PHTF1: variants seen among roughly 807,000 people sequenced by gnomAD.
The protein encoded by PHTF1 is protein PHTF1.
PHTF1 carries 88 observed loss-of-function variants against 102.4 expected under a neutral mutation model. The ratio of observed to expected loss-of-function variants is 0.86; its 90% CI spans 0.72 to 1.03. The LOEUF (loss-of-function observed/expected upper bound fraction) is 1.03. Among genes scored for constraint, PHTF1 ranks in the 50% least tolerant of loss-of-function variants. PHTF1 has a pLI of 0.00. For synonymous variants in PHTF1, 289 were observed against 305.2 expected (o/e 0.95, Z 0.55); for missense variants, 814 against 909.5 (o/e 0.89, Z 1.35).
intron 5 of PHTF1, among the ~76,000 whole-genome samples, chr1:113,730,266 A>AC (rs1022669266): frequency 6.6e-6 from 1 of 152,244 alleles, no homozygotes; most frequent in African/African-American, 2.4e-5. Context: ...ATTAAAAAAA[A>AC]ACACATACAT....
At chr1:113,715,227 T>C (rs1247382300) in intron 7 of PHTF1, 2 of 152,328 alleles carry the variant, frequency 1.3e-5, no homozygotes, top group Middle Eastern at 3.4e-3. Flanking sequence ...AACCATTCAA[T>C]GCACAGACAC....
intron 3 of PHTF1, among the ~76,000 whole-genome samples, chr1:113,741,533 C>T (rs1196345044): frequency 6.6e-6 from 1 of 152,096 alleles, no homozygotes; most frequent in African/African-American, 2.4e-5. Flanking sequence ...AGTGCTATTC[C>T]CCATCACTTT....
At chr1:113,709,380 C>T (rs1298946567) in intron 11 of PHTF1, among the ~76,000 whole-genome samples, 1 of 152,078 alleles carries the variant, frequency 6.6e-6, no homozygotes, top group Non-Finnish European at 1.5e-5. Flanking sequence ...GACAATTAAA[C>T]AAATATATAT....
In PHTF1 at chr1:113,750,873, G is replaced by A. The variant is rs1657976411; in HGVS notation, c.102+6826C>T. Among the ~76,000 whole-genome samples the A allele has an allele frequency of 2.0e-5, 3 of 151,844 alleles. No individual in the cohort carries two copies. The South Asian group carries it at 6.2e-4, about 31-fold the overall frequency. ...AAAAAAAAAAAAAGATTAGTAAAAG[G>A]GGAGATTCTTATTTTAGGCTTATTT... On this transcript the variant is annotated intron_variant, in intron 3 of 18. Transcript: ENST00000369604.
chr1:113,723,474 G>A (rs1042251212), intron 7 of PHTF1, among the ~76,000 whole-genome samples: 20 of 152,068 alleles, frequency 1.3e-4, no homozygotes, highest in African/African-American at 3.9e-4. Context: ...CACTGTGCCC[G>A]GCCAACAGTG....
rs1300198707 is a variant in PHTF1, at chr1:113,704,652, CAAATA to C, written c.1803+9_1803+13del. On this transcript the variant is annotated intron_variant, in intron 14 of 18. Transcript: ENST00000369604. ...TTCTTGCACATACTCTATTGTTAAT[CAAATA>C]AAACTCACCTTTAGATAGGAACGCA... 3.2e-6 allele frequency: 5 copies of C among 1,563,402 alleles called. No individual in the cohort carries two copies. In the South Asian group the frequency reaches 5.9e-5, roughly 18 times the overall value.
intron 5 of PHTF1, among the ~76,000 whole-genome samples, chr1:113,733,953 G>T (rs893011007): frequency 6.6e-6 from 1 of 152,144 alleles, no homozygotes; most frequent in Non-Finnish European, 1.5e-5. Flanking sequence ...AGAGATTCTG[G>T]TGAGGAATCA....
chr1:113,747,410 T>C (rs1411721079), intron 3 of PHTF1, among the ~76,000 whole-genome samples: 2 of 152,210 alleles, frequency 1.3e-5, no homozygotes, highest in African/African-American at 4.8e-5. Flanking sequence ...TATATCAGTT[T>C]AGTTTTCCCC....
chr1:113,755,104 A>AT (rs1186071364), intron 3 of PHTF1, among the ~76,000 whole-genome samples: 6 of 151,940 alleles, frequency 3.9e-5, no homozygotes, highest in African/African-American at 1.4e-4. Flanking sequence ...TAAATATATA[A>AT]TTTTAAATTA....
chr1:113,749,000 A>G (rs1657626161), intron 3 of PHTF1, among the ~76,000 whole-genome samples: 1 of 152,214 alleles, frequency 6.6e-6, no homozygotes, highest in Non-Finnish European at 1.5e-5. Flanking sequence ...CTAAATTAAT[A>G]TATACATTAC....
In PHTF1 at chr1:113,706,163, C is replaced by A; in HGVS notation, c.1399-1G>T. 1 of 1,590,606 alleles carries A rather than the reference C, an allele frequency of 6.3e-7. No homozygotes were observed. ...CTACTCCTTGCTGATAGGCATTGACCTGTGAATTAATTTAAAATTTCCACC... is the reference window on the plus strand; with the variant it reads ...CTACTCCTTGCTGATAGGCATTGACATGTGAATTAATTTAAAATTTCCACC... On this transcript the variant is annotated splice_acceptor_variant, in intron 12 of 18. Transcript: ENST00000369604. LOFTEE classifies it high-confidence loss of function.
chr1:113,708,828 A>C (rs1571103447), intron 11 of PHTF1, among the ~76,000 whole-genome samples: 1 of 152,188 alleles, frequency 6.6e-6, no homozygotes, highest in East Asian at 1.9e-4. Context: ...ATCTCAAAGG[A>C]GGGGAGTGCT....
intron 17 of PHTF1, among the ~76,000 whole-genome samples, chr1:113,698,628 C>T (rs958186142): frequency 4.2e-5 from 5 of 119,442 alleles, no homozygotes; most frequent in South Asian, 2.7e-4. Context: ...TATACACACA[C>T]ACACACACAC....
intron 7 of PHTF1, among the ~76,000 whole-genome samples, chr1:113,715,629 T>A (rs1651863840): frequency 1.2e-5 from 1 of 80,662 alleles, no homozygotes; most frequent in African/African-American, 4.6e-5. Flanking sequence ...ACCTGAGCAA[T>A]GACAGTGAAA....
chr1:113,711,590 A>G (rs1159495344), intron 10 of PHTF1, among the ~76,000 whole-genome samples, 156 bp downstream of exon 10: 7 of 152,222 alleles, frequency 4.6e-5, no homozygotes, highest in Admixed American at 4.6e-4. Flanking sequence ...GTGTGTAGTC[A>G]TTAAAAGCTG....
chr1:113,749,143 T>C (rs1220611353), intron 3 of PHTF1, among the ~76,000 whole-genome samples: 1 of 152,248 alleles, frequency 6.6e-6, no homozygotes, highest in African/African-American at 2.4e-5. Context: ...AGTCTTTTTA[T>C]AGTATCCAGT....
At chr1:113,697,852 G>A in intron 18 of PHTF1, 127 bp from the exon 19 acceptor site, 1 of 675,638 alleles carries the variant, frequency 1.5e-6, no homozygotes, top group South Asian at 1.8e-5. Context: ...TCTGGCAATA[G>A]CAACCATAGA....
At chr1:113,758,496 C>T (rs1571278439) in intron 2 of PHTF1, among the ~76,000 whole-genome samples, 163 bp downstream of exon 2, 1 of 147,164 alleles carries the variant, frequency 6.8e-6, no homozygotes, top group East Asian at 2.0e-4. Flanking sequence ...GTTTAAAAGA[C>T]ATAATGACCT....
chr1:113,700,984 A>G (rs749334013), intron 15 of PHTF1, 35 bp from the exon 16 acceptor site: 2 of 1,483,262 alleles, frequency 1.3e-6, no homozygotes, highest in Non-Finnish European at 1.8e-6. Flanking sequence ...TAAGTTTTTC[A>G]TTTACCTTAA....
Sources: gnomAD v4.1 joint callset for allele counts (sites outside exome capture counted in the v4.1 genomes callset) on GRCh38, gnomAD v4.1.1 for gene constraint, MANE v1.5 for transcripts, NCBI Gene and HGNC (gene_info 2026-07-23, HGNC 2026-07-21) for gene names.